Variants in FBLN7 observed in about 807,000 individuals in gnomAD.
The protein encoded by FBLN7 is fibulin-7.
A neutral mutation model predicts 44.0 loss-of-function variants in FBLN7; 31 were observed. The observed-to-expected ratio is 0.70, with a 90% confidence interval of 0.53 to 0.95. The LOEUF is 0.95. Ranked by LOEUF, FBLN7 falls within the 40% of genes least tolerant of loss-of-function variation. FBLN7 has a pLI of 0.00. For synonymous variants in FBLN7, 262 were observed against 253.4 expected (o/e 1.03, Z -0.32); for missense variants, 573 against 618.5 (o/e 0.93, Z 0.78).
intron 1 of FBLN7, among the ~76,000 whole-genome samples, chr2:112,147,079 A>C (rs1404082846): frequency 6.6e-6 from 1 of 151,940 alleles, no homozygotes; most frequent in East Asian, 1.9e-4. Flanking sequence ...TTAGTCTGTT[A>C]ATAAGGTGGA....
At chr2:112,218,302 A>T in the FBLN7 span, among the ~76,000 whole-genome samples, 6 of 152,240 alleles carry the variant, frequency 3.9e-5, no homozygotes, top group Non-Finnish European at 8.8e-5. Flanking sequence ...TTCAGAAGGG[A>T]ACTCTACTCA....
At chr2:112,193,436 T>C in the FBLN7 span, among the ~76,000 whole-genome samples, 9 of 152,206 alleles carry the variant, frequency 5.9e-5, no homozygotes, top group African/African-American at 2.2e-4. Flanking sequence ...CAAGACTCTG[T>C]CTCAAAAAAA....
At chr2:112,166,822 G>A (rs1473752593) in intron 3 of FBLN7, among the ~76,000 whole-genome samples, 9 of 152,078 alleles carry the variant, frequency 5.9e-5, no homozygotes, top group Non-Finnish European at 1.0e-4. Flanking sequence ...GCATTGCCAC[G>A]TGCAGTCTGC....
rs1046748625 is a variant in FBLN7 at position 112,138,471 on chromosome 2, G to C, written c.-185G>C. 5.4e-6 allele frequency: 3 copies of C among 552,500 alleles called. No homozygotes were observed. Among genetic ancestry groups the C allele is most frequent in the South Asian group, 6.8e-5 (1 of 14,700 alleles). 34.2% of individuals were successfully genotyped at this position (552,500 alleles called of 1,614,324 possible). The stretch of plus-strand genomic sequence containing the variant: ...GCGCACCTGGACCCTCGCAAGGCCC[G>C]GGCGGCGCCGATCCCCGCGGGACGC... On this transcript the variant is annotated 5_prime_UTR_variant, in exon 1 of 8. Transcript: ENST00000331203.
chr2:112,182,971 T>C (rs773393060), intron 6 of FBLN7, 43 bp downstream of exon 6: 1 of 1,603,930 alleles, frequency 6.2e-7, no homozygotes, highest in South Asian at 1.1e-5. Context: ...AGCCACCTGC[T>C]GCTGTGCTGA....
the FBLN7 span, among the ~76,000 whole-genome samples, chr2:112,244,093 A>G: frequency 6.6e-6 from 1 of 151,120 alleles, no homozygotes; most frequent in Admixed American, 6.6e-5. Context: ...AATAGCACTA[A>G]GCAGAATGAA....
the FBLN7 span, among the ~76,000 whole-genome samples, chr2:112,230,268 G>T: frequency 6.6e-6 from 1 of 152,108 alleles, no homozygotes; most frequent in Non-Finnish European, 1.5e-5. Flanking sequence ...ACAGTTTGTA[G>T]GAGTATAAAC....
the FBLN7 span, among the ~76,000 whole-genome samples, chr2:112,201,979 T>A: frequency 8.5e-5 from 13 of 152,354 alleles, no homozygotes; most frequent in East Asian, 2.5e-3. Context: ...GTCTAGTTTA[T>A]ATTATTATGT....
the FBLN7 span, among the ~76,000 whole-genome samples, chr2:112,243,176 C>T: frequency 6.6e-6 from 1 of 152,208 alleles, no homozygotes; most frequent in African/African-American, 2.4e-5. Flanking sequence ...TCCATACCTA[C>T]ATTAATTTGC....
chr2:112,176,002 G>A (rs1682722553), intron 4 of FBLN7, 163 bp downstream of exon 4: 2 of 862,426 alleles, frequency 2.3e-6, no homozygotes, highest in Non-Finnish European at 3.3e-6. Flanking sequence ...GGTTTTCTAA[G>A]GTGGTCACTT....
chr2:112,236,320 C>T, the FBLN7 span, among the ~76,000 whole-genome samples: 1 of 152,066 alleles, frequency 6.6e-6, no homozygotes, highest in Non-Finnish European at 1.5e-5. Context: ...TCAGGAACAA[C>T]AGTGAGAACG....
chr2:112,209,149 A>C, the FBLN7 span, among the ~76,000 whole-genome samples: 2 of 152,360 alleles, frequency 1.3e-5, no homozygotes, highest in South Asian at 4.1e-4. Context: ...CGGATAAAGA[A>C]ACTAAGTTTC....
downstream of FBLN7, chr2:112,189,694 A>G (rs1429208813): frequency 2.6e-5 from 4 of 152,250 alleles, no homozygotes; most frequent in African/African-American, 9.6e-5. Context: ...AGAATAGTAT[A>G]ATGAACCCCA....
chr2:112,160,875 G>A (rs1230939106), intron 2 of FBLN7, among the ~76,000 whole-genome samples: 1 of 148,522 alleles, frequency 6.7e-6, no homozygotes, highest in Admixed American at 6.7e-5. Flanking sequence ...CACTCAGCCC[G>A]AGCCAGTGCA....
chr2:112,239,624 G>A, the FBLN7 span, among the ~76,000 whole-genome samples: 2 of 97,424 alleles, frequency 2.1e-5, no homozygotes, highest in Non-Finnish European at 3.8e-5. Flanking sequence ...TCACTCTATT[G>A]CCCAGGCTGG....
At chr2:112,210,931 T>C in the FBLN7 span, among the ~76,000 whole-genome samples, 1 of 152,182 alleles carries the variant, frequency 6.6e-6, no homozygotes, top group Admixed American at 6.5e-5. Context: ...AAATGGCTGA[T>C]CTGAGGGCTA....
At chr2:112,185,480 G>C in intron 7 of FBLN7, 141 bp downstream of exon 7, 1 of 1,189,254 alleles carries the variant, frequency 8.4e-7, no homozygotes, top group South Asian at 1.6e-5. Context: ...TGGTGTCTCT[G>C]AATTTCCATT....
intron 4 of FBLN7, among the ~76,000 whole-genome samples, chr2:112,180,944 A>C (rs1342989683): frequency 5.2e-5 from 7 of 135,384 alleles, no homozygotes; most frequent in African/African-American, 1.9e-4. Flanking sequence ...AAAAAAAAAA[A>C]ACGAAAGAAA....
At chr2:112,230,899 T>G in the FBLN7 span, 1 of 1,297,628 alleles carries the variant, frequency 7.7e-7, no homozygotes, top group Non-Finnish European at 1.0e-6. Flanking sequence ...AATTCTAATT[T>G]TACCTTTTTA....
Sources: gnomAD v4.1 joint callset for allele counts (sites outside exome capture counted in the v4.1 genomes callset) on GRCh38, gnomAD v4.1.1 for gene constraint, MANE v1.5 for transcripts, NCBI Gene and HGNC (gene_info 2026-07-23, HGNC 2026-07-21) for gene names.